The following NYAP2 variants were observed in gnomAD, a reference collection of about 807,000 sequenced individuals.
NYAP2 encodes neuronal tyrosine-phosphorylated phosphoinositide-3-kinase adapter 2.
A neutral mutation model predicts 50.4 loss-of-function variants in NYAP2; 23 were observed. That is an observed-to-expected ratio of 0.46 (90% CI 0.33 to 0.65). The LOEUF is 0.65. NYAP2 is among the 30% of genes least tolerant of loss of function. The pLI, the probability that NYAP2 is intolerant of heterozygous loss-of-function variation, is 0.02. For missense variants in NYAP2, 885 were observed against 861.0 expected (o/e 1.03, Z -0.35); for synonymous variants, 394 against 365.2 (o/e 1.08, Z -0.90).
chr2:225,593,828 C>A (rs532671088), intron 5 of NYAP2, among the ~76,000 whole-genome samples: 2 of 152,192 alleles, frequency 1.3e-5, no homozygotes, highest in Non-Finnish European at 2.9e-5. Flanking sequence ...AAATGTTTGA[C>A]CATTAAGTGA....
At chr2:225,461,816 A>T (rs1309573316) in intron 3 of NYAP2, among the ~76,000 whole-genome samples, 1 of 152,200 alleles carries the variant, frequency 6.6e-6, no homozygotes, top group Admixed American at 6.5e-5. Flanking sequence ...ATCATTGGTG[A>T]TAATAATTAT....
chr2:225,587,905 T>A (rs1692415876), intron 5 of NYAP2, among the ~76,000 whole-genome samples: 2 of 152,078 alleles, frequency 1.3e-5, no homozygotes, highest in Non-Finnish European at 2.9e-5. Context: ...TTAAACCTCA[T>A]CTTTTAGCCT....
chr2:225,402,703 C>T (rs1694882845), intron 2 of NYAP2, among the ~76,000 whole-genome samples: 1 of 152,008 alleles, frequency 6.6e-6, no homozygotes, highest in African/African-American at 2.4e-5. Flanking sequence ...CTTTAGCAAG[C>T]TTTCTTGGTT....
At chr2:225,398,656 G>A (rs1029460957), upstream of NYAP2, among the ~76,000 whole-genome samples, 10 of 151,846 alleles carry the variant, frequency 6.6e-5, no homozygotes, top group African/African-American at 2.4e-4. Context: ...GAAAGGGAGA[G>A]CATTGGGATA....
At chr2:225,539,264 T>C (rs994076106) in intron 4 of NYAP2, among the ~76,000 whole-genome samples, 29 of 152,226 alleles carry the variant, frequency 1.9e-4, no homozygotes, top group African/African-American at 7.0e-4. Context: ...TTTGGGTTGG[T>C]TCCAAGTCTT....
At chr2:225,622,539 TTC>T (rs1333970085) in intron 5 of NYAP2, among the ~76,000 whole-genome samples, 1 of 50,310 alleles carries the variant, frequency 2.0e-5, no homozygotes, top group African/African-American at 7.0e-5. Context: ...CTTTCTTTCT[TTC>T]TTTCTTTCTT....
chr2:225,483,414 C>T (rs556838512), intron 3 of NYAP2, among the ~76,000 whole-genome samples: 14 of 152,092 alleles, frequency 9.2e-5, no homozygotes, highest in Non-Finnish European at 1.9e-4. Flanking sequence ...AATCCCTGCC[C>T]TGGTTTGAGC....
At chr2:225,420,606 C>A (rs1460403018) in intron 3 of NYAP2, among the ~76,000 whole-genome samples, 1 of 38,512 alleles carries the variant, frequency 2.6e-5, no homozygotes, top group Non-Finnish European at 5.7e-5. Flanking sequence ...TTTTTCTTTT[C>A]TTTTCTTTTT....
At chr2:225,417,011 T>C (rs1476106783) in intron 3 of NYAP2, among the ~76,000 whole-genome samples, 3 of 152,168 alleles carry the variant, frequency 2.0e-5, no homozygotes, top group Non-Finnish European at 4.4e-5. Flanking sequence ...TATGGAGAGA[T>C]GGTTATAGAC....
At chr2:225,665,807 TAAAAAAAAAAA>T in the NYAP2 span, among the ~76,000 whole-genome samples, 154 of 21,002 alleles carry the variant, frequency 7.3e-3, 2 homozygotes, top group African/African-American at 0.024. Flanking sequence ...AGCCTCCGTC[TAAAAAAAAAAA>T]AAAAAAAAAA....
chr2:225,671,003 C>G, the NYAP2 span, among the ~76,000 whole-genome samples: 3 of 152,132 alleles, frequency 2.0e-5, no homozygotes, highest in Non-Finnish European at 4.4e-5. Context: ...TATGTTTTTG[C>G]CAGTAGAAGG....
At chr2:225,664,057 C>A in the NYAP2 span, among the ~76,000 whole-genome samples, 2 of 152,110 alleles carry the variant, frequency 1.3e-5, no homozygotes. Context: ...CCTGTACTTA[C>A]TGTCATAACC....
At chr2:225,518,505 A>G (rs1165313150) in intron 4 of NYAP2, among the ~76,000 whole-genome samples, 5 of 131,612 alleles carry the variant, frequency 3.8e-5, no homozygotes, top group African/African-American at 1.4e-4. Context: ...TTACAAAAAA[A>G]AACAGTATGT....
rs185371148 is a variant in NYAP2 at position 225,414,496 on chromosome 2, G to C, written c.221+5395G>C. Among the ~76,000 whole-genome samples, 1,016 of 152,148 alleles carry C rather than the reference G, an allele frequency of 6.7e-3. 4 individuals are homozygous for C. The highest frequency in any genetic ancestry group is 9.9e-3 in the Non-Finnish European group (675 of 67,986). ...TCACACAAATGAGTTCCCTTGAGAT[G>C]GGTTGCAAAATCCCAGTTTATCATG... is the stretch of plus-strand genomic sequence containing the variant. On this transcript the variant is annotated intron_variant, in intron 3 of 6. Transcript: ENST00000636099.
At position 225,592,171 on chromosome 2, in the gene NYAP2, G is replaced by T. The variant is rs552253993; in HGVS notation, c.1618+9136G>T. ...CAATGCCTCTAAGCATAACTTAAGG[G>T]TGTATGTGCAGGTTTCTTTGGCCTG... On this transcript the variant is annotated intron_variant, in intron 5 of 6. Transcript: ENST00000636099. 2.6e-5 allele frequency among the ~76,000 whole-genome samples: 4 copies of T among 152,304 alleles called. No individual in the cohort carries two copies. In the East Asian group the frequency reaches 7.7e-4, roughly 29 times the overall value.
At chr2:225,528,445 A>T (rs184059457) in intron 4 of NYAP2, among the ~76,000 whole-genome samples, 60 of 152,274 alleles carry the variant, frequency 3.9e-4, no homozygotes, top group African/African-American at 1.4e-3. Context: ...GTTGGAAAAA[A>T]TCTCATTTCC....
Position 225,636,496 on chromosome 2 carries a change from T to A in NYAP2, c.1828+9370T>A, listed in dbSNP as rs375754245. On this transcript the variant is annotated intron_variant, in intron 6 of 6. Coordinates refer to ENST00000636099, the Ensembl canonical transcript of NYAP2. The stretch of plus-strand genomic sequence containing the variant: ...GTAATGTGCTTTCTTTTTTTTTTTT[T>A]AATTTCATTATTATTATACTTTAAG... Among the ~76,000 whole-genome samples, 479 of 143,368 alleles carry A rather than the reference T, an allele frequency of 3.3e-3. 2 individuals carry two copies. The highest frequency in any genetic ancestry group is 0.011 in the African/African-American group (447 of 39,198). The allele number at this position is 143,368 out of a possible 152,430, so 94.1% of individuals were successfully genotyped here.
intron 5 of NYAP2, among the ~76,000 whole-genome samples, chr2:225,592,335 C>G (rs1032009820): frequency 6.6e-6 from 1 of 152,116 alleles, no homozygotes; most frequent in Non-Finnish European, 1.5e-5. Flanking sequence ...TCAAAAACCC[C>G]AGCCAATGCA....
At chr2:225,449,581 A>G (rs774750357) in intron 3 of NYAP2, among the ~76,000 whole-genome samples, 2 of 143,274 alleles carry the variant, frequency 1.4e-5, no homozygotes, top group Non-Finnish European at 3.1e-5. Flanking sequence ...AGGAAACCAG[A>G]TCTCTCTCTC....
Sources: gnomAD v4.1 joint callset for allele counts (sites outside exome capture counted in the v4.1 genomes callset) on GRCh38, gnomAD v4.1.1 for gene constraint, MANE v1.5 for transcripts, NCBI Gene and HGNC (gene_info 2026-07-23, HGNC 2026-07-21) for gene names.